The following BCAR3 variants were observed in gnomAD, a reference collection of about 807,000 sequenced individuals.
The protein encoded by BCAR3 is BCAR3 adaptor protein, NSP family member, also known as breast cancer anti-estrogen resistance protein 3.
Under a neutral mutation model 80.1 loss-of-function variants are expected in BCAR3, and 37 were observed. That is an observed-to-expected ratio of 0.46 (90% CI 0.36 to 0.61). The LOEUF (loss-of-function observed/expected upper bound fraction) is 0.61, where lower values mean the gene tolerates loss of function less well. Among genes scored for constraint, BCAR3 ranks in the 20% least tolerant of loss-of-function variants. BCAR3 has a pLI of 0.00. For synonymous variants in BCAR3, 389 were observed against 418.9 expected, an observed-to-expected ratio of 0.93 and a Z score of 0.87; for missense variants, 978 against 1,068.2, an observed-to-expected ratio of 0.92 and a Z score of 1.18.
chr1:93,689,314 T>C lies in BCAR3; in HGVS notation c.-11-14373A>G, dbSNP rs952604201. Among the ~76,000 whole-genome samples, 46 of 152,176 alleles carry C rather than the reference T, an allele frequency of 3.0e-4. 3 individuals carry two copies. The highest frequency in any genetic ancestry group is 7.9e-4 in the Admixed American group (12 of 15,280). On this transcript the variant is annotated intron_variant, in intron 3 of 13. Transcript: ENST00000370244. ...CCAGCCTGGCCAACATGGTGAAATCTGCCTCTACTAAAAATACAAAAATTA... is the reference window on the plus strand; with the variant it reads ...CCAGCCTGGCCAACATGGTGAAATCCGCCTCTACTAAAAATACAAAAATTA...
chr1:93,685,686 ATT>A (rs1028807916), upstream of BCAR3, among the ~76,000 whole-genome samples: 1 of 152,172 alleles, frequency 6.6e-6, no homozygotes, highest in Non-Finnish European at 1.5e-5. Flanking sequence ...TGCATTTGTA[ATT>A]TTGATAAATA....
chr1:93,837,345 G>A (rs1175214951), intron 2 of BCAR3, among the ~76,000 whole-genome samples: 2 of 152,246 alleles, frequency 1.3e-5, no homozygotes, highest in Non-Finnish European at 2.9e-5. Flanking sequence ...TTAAGCCTCA[G>A]TTGCTCTGTG....
chr1:93,781,490 T>C (rs1652760315), intron 2 of BCAR3, among the ~76,000 whole-genome samples: 1 of 152,226 alleles, frequency 6.6e-6, no homozygotes, highest in East Asian at 1.9e-4. Context: ...ATTTTGAACA[T>C]AGTGTAAAAT....
chr1:93,788,988 A>AT (rs1441836349), intron 2 of BCAR3, among the ~76,000 whole-genome samples: 2 of 150,522 alleles, frequency 1.3e-5, no homozygotes, highest in East Asian at 3.9e-4. Flanking sequence ...CCCTTCCTTT[A>AT]TTTTTTCTTC....
At chr1:93,703,613 A>G in intron 3 of BCAR3, among the ~76,000 whole-genome samples, 1 of 151,888 alleles carries the variant, frequency 6.6e-6, no homozygotes, top group East Asian at 1.9e-4. Context: ...CTTTCAAATT[A>G]TATACACATA....
intron 2 of BCAR3, among the ~76,000 whole-genome samples, chr1:93,807,096 C>A (rs1192667438): frequency 6.6e-6 from 1 of 151,666 alleles, no homozygotes; most frequent in Non-Finnish European, 1.5e-5. Context: ...CAAAGTGAGA[C>A]CCTATCTCAA....
chr1:93,629,210 C>T (rs191106084), intron 3 of BCAR3, among the ~76,000 whole-genome samples: 112 of 152,308 alleles, frequency 7.4e-4, no homozygotes, highest in African/African-American at 2.5e-3. Flanking sequence ...CAAGGCTCCT[C>T]CCACTGTTCT....
At chr1:93,581,153 C>T (rs1005040338) in intron 7 of BCAR3, among the ~76,000 whole-genome samples, 5 of 150,178 alleles carry the variant, frequency 3.3e-5, no homozygotes, top group Admixed American at 2.6e-4. Flanking sequence ...CAGAGTGAGA[C>T]CCTGTCTCAG....
chr1:93,653,935 C>T (rs901392458), intron 2 of BCAR3, among the ~76,000 whole-genome samples: 8 of 152,188 alleles, frequency 5.3e-5, no homozygotes, highest in East Asian at 1.9e-4. Flanking sequence ...CATCATCTCC[C>T]GCTGGACACC....
chr1:93,790,610 T>C (rs1051411952), intron 2 of BCAR3, among the ~76,000 whole-genome samples: 9 of 127,532 alleles, frequency 7.1e-5, no homozygotes, highest in East Asian at 4.2e-4. Context: ...AAAACACTTA[T>C]AGTCTTTTTT....
At chr1:93,675,274 C>G (rs764184233) in intron 1 of BCAR3, among the ~76,000 whole-genome samples, 12 of 152,084 alleles carry the variant, frequency 7.9e-5, no homozygotes, top group Non-Finnish European at 1.0e-4. Context: ...AATAAATGTA[C>G]GAAAGAAAAT....
chr1:93,799,443 A>C (rs1653400080), intron 2 of BCAR3, among the ~76,000 whole-genome samples: 1 of 152,250 alleles, frequency 6.6e-6, no homozygotes, highest in Non-Finnish European at 1.5e-5. Flanking sequence ...TAACTGTGTC[A>C]GTAGCCAGCT....
Position 93,584,027 on chromosome 1 carries a change from G to A in BCAR3, c.1024C>T (p.Leu342=), listed in dbSNP as rs571029953. 2.8e-5 allele frequency: 45 copies of A among 1,613,836 alleles called. No individual in the cohort carries two copies. The highest frequency in any genetic ancestry group is 3.3e-5 in the Non-Finnish European group (39 of 1,179,936). The change falls in exon 6 of 12, where the codon CTG becomes TTG. Residue 342 remains leucine (L), a synonymous_variant. Coordinates refer to ENST00000260502, the MANE Select transcript of BCAR3 (RefSeq NM_003567.4). ...ATTCCCCGAAACATACCAATCGGCAGGTAGCTCTCTGACTGGTGGGCTTTG... is the reference window on the plus strand; with the variant it reads ...ATTCCCCGAAACATACCAATCGGCAAGTAGCTCTCTGACTGGTGGGCTTTG... The part of the protein sequence containing the change: ...SLKAHQSESY[L]PIGCKLPPQS...
chr1:93,708,209 C>T (rs1347248762), intron 2 of BCAR3, among the ~76,000 whole-genome samples: 4 of 152,158 alleles, frequency 2.6e-5, no homozygotes, highest in African/African-American at 7.2e-5. Context: ...TGAACCATGA[C>T]CTTCAGTAAT....
At chr1:93,773,200 G>A (rs559385820) in intron 2 of BCAR3, among the ~76,000 whole-genome samples, 15 of 152,142 alleles carry the variant, frequency 9.9e-5, no homozygotes, top group Non-Finnish European at 7.3e-5. Flanking sequence ...AGATGCCTGC[G>A]TTTGAATCTA....
At chr1:93,727,826 A>G (rs1650644954) in intron 2 of BCAR3, among the ~76,000 whole-genome samples, 1 of 152,228 alleles carries the variant, frequency 6.6e-6, no homozygotes, top group Non-Finnish European at 1.5e-5. Flanking sequence ...ACCTGTAATT[A>G]TAATCTTATT....
chr1:93,822,965 A>G (rs184732721), intron 2 of BCAR3, among the ~76,000 whole-genome samples: 1 of 132,368 alleles, frequency 7.6e-6, no homozygotes, highest in Admixed American at 7.9e-5. Flanking sequence ...AAGAGGCATC[A>G]CTCAAGTCCA....
At chr1:93,846,093 T>C in intron 1 of BCAR3, among the ~76,000 whole-genome samples, 1 of 152,188 alleles carries the variant, frequency 6.6e-6, no homozygotes, top group South Asian at 2.1e-4. Context: ...CTTCTTTATA[T>C]TATAAAGGGG....
chr1:93,841,952 A>G (rs74101589), intron 2 of BCAR3, among the ~76,000 whole-genome samples: 1,979 of 152,042 alleles, frequency 0.013, 38 homozygotes, highest in African/African-American at 0.045. Context: ...TCTGGTTTCT[A>G]CCCTGCGCCC....
Sources: allele counts gnomAD v4.1 joint callset (sites outside exome capture counted in the v4.1 genomes callset), GRCh38; gene constraint gnomAD v4.1.1; transcripts MANE v1.5; gene names NCBI Gene and HGNC (gene_info 2026-07-23, HGNC 2026-07-21).